EPHA5: variants seen among roughly 807,000 people sequenced by gnomAD.
EPHA5 encodes EPH receptor A5.
EPHA5 carries 60 observed loss-of-function variants against 105.0 expected under a neutral mutation model. The observed-to-expected ratio is 0.57, with a 90% CI of 0.46 to 0.71. The LOEUF (loss-of-function observed/expected upper bound fraction) is 0.71, where lower values mean the gene tolerates loss of function less well. Ranked by LOEUF, EPHA5 falls within the 30% of genes least tolerant of loss-of-function variation. The pLI is 0.00. For synonymous variants in EPHA5, 513 were observed against 449.1 expected (o/e 1.14, Z -1.80); for missense variants, 1,218 against 1,274.7 (o/e 0.96, Z 0.68).
chr4:65,477,466 G>A (rs1729935651), intron 5 of EPHA5, among the ~76,000 whole-genome samples: 1 of 152,000 alleles, frequency 6.6e-6, no homozygotes, highest in South Asian at 2.1e-4. Flanking sequence ...AGGCTTGAGT[G>A]CAGTGGCGAG....
chr4:65,574,313 C>T (rs1740562570), intron 3 of EPHA5: 10 of 1,523,700 alleles, frequency 6.6e-6, no homozygotes, highest in South Asian at 3.6e-5. Context: ...TTTATCCTCA[C>T]AAATTGGTGT....
chr4:65,439,740 A>G (rs772230300), intron 5 of EPHA5, among the ~76,000 whole-genome samples: 7 of 152,138 alleles, frequency 4.6e-5, no homozygotes, highest in Non-Finnish European at 1.0e-4. Flanking sequence ...TGGTAATTTC[A>G]GTAGTATATT....
chr4:65,517,138 G>A, intron 3 of EPHA5, among the ~76,000 whole-genome samples: 1 of 151,870 alleles, frequency 6.6e-6, no homozygotes, highest in African/African-American at 2.4e-5. Context: ...CATGTATTTA[G>A]GGACTTTTTA....
chr4:65,615,496 A>C (rs1745150122), intron 2 of EPHA5, among the ~76,000 whole-genome samples: 1 of 151,908 alleles, frequency 6.6e-6, no homozygotes, highest in Non-Finnish European at 1.5e-5. Context: ...TGACATAGTC[A>C]AAGTGCTAGA....
chr4:65,608,300 CGAGACCA>C (rs1459706053), intron 2 of EPHA5, among the ~76,000 whole-genome samples: 1 of 151,992 alleles, frequency 6.6e-6, no homozygotes, highest in Admixed American at 6.6e-5. Flanking sequence ...GTCAGGAGAT[CGAGACCA>C]TCCTGACTAA....
At chr4:65,398,107 C>G (rs1326732987) in intron 8 of EPHA5, among the ~76,000 whole-genome samples, 1 of 152,170 alleles carries the variant, frequency 6.6e-6, no homozygotes, top group African/African-American at 2.4e-5. Context: ...GCTGAGGAAC[C>G]AAGCATTCTT....
Position 65,582,261 on chromosome 4 carries a change from A to T in EPHA5, c.910+19380T>A, listed in dbSNP as rs185838378. Among the ~76,000 whole-genome samples the T allele has an allele frequency of 4.2e-4, 64 of 151,756 alleles. 1 individual carries two copies. Among genetic ancestry groups the T allele is most frequent in the African/African-American group, 1.4e-3 (60 of 41,524 alleles). On this transcript the variant is annotated intron_variant, in intron 3 of 16. Transcript: ENST00000613740. ...TATGACTAATTTTCAAGACGCCACA[A>T]TTCTATTCTTAGACTGAGACAAGGG...
intron 3 of EPHA5, among the ~76,000 whole-genome samples, chr4:65,598,779 A>C (rs1024622455): frequency 6.6e-6 from 1 of 152,142 alleles, no homozygotes; most frequent in Non-Finnish European, 1.5e-5. Flanking sequence ...TTCTTAAAAC[A>C]ACAAGTAGTG....
intron 8 of EPHA5, among the ~76,000 whole-genome samples, chr4:65,392,470 T>C (rs902928221): frequency 2.0e-5 from 3 of 152,140 alleles, no homozygotes; most frequent in Admixed American, 2.0e-4. Flanking sequence ...TTAGAACTTA[T>C]TAAATTCTGA....
intron 5 of EPHA5, among the ~76,000 whole-genome samples, chr4:65,428,881 CTATA>C (rs1309247972): frequency 1.3e-5 from 2 of 151,900 alleles, no homozygotes; most frequent in Non-Finnish European, 2.9e-5. Flanking sequence ...AAATAGAAAA[CTATA>C]TCACTGGCAC....
chr4:65,492,559 A>C (rs1017311057), intron 4 of EPHA5, among the ~76,000 whole-genome samples: 1 of 151,524 alleles, frequency 6.6e-6, no homozygotes, highest in Non-Finnish European at 1.5e-5. Flanking sequence ...AAAAAAAAAA[A>C]AAATCCCCAC....
intron 3 of EPHA5, among the ~76,000 whole-genome samples, chr4:65,595,150 GAAA>G (rs201605652): frequency 5.0e-4 from 58 of 116,718 alleles, no homozygotes; most frequent in African/African-American, 1.5e-3. Flanking sequence ...CACCATTTCA[GAAA>G]AAAAAAAAAA....
At chr4:65,475,083 T>C (rs558427935) in intron 5 of EPHA5, among the ~76,000 whole-genome samples, 2 of 152,316 alleles carry the variant, frequency 1.3e-5, no homozygotes, top group South Asian at 2.1e-4. Flanking sequence ...TCAATCTATA[T>C]TGTCACTCAA....
rs1461669360 is a variant in EPHA5, at chr4:65,601,783, G to T, written c.768C>A (p.Leu256=). 2 of 1,613,994 alleles carry T rather than the reference G, an allele frequency of 1.2e-6. No individual in the cohort carries two copies. The highest frequency in any genetic ancestry group is 2.7e-5 in the African/African-American group (2 of 74,910). Residue 256 remains leucine (L), a synonymous_variant, in exon 3 of 17, where the codon CTC becomes CTA. Coordinates refer to ENST00000613740, the MANE Select transcript of EPHA5 (RefSeq NM_001281766.3). The part of the protein sequence containing the change: ...TITGADSSQL[L]EVSGSCVNHS... ...GGTTGACACAGGAGCCTGACACTTC[G>T]AGCAATTGGGAAGAATCAGCTCCAG... is the stretch of plus-strand genomic sequence containing the variant.
intron 5 of EPHA5, among the ~76,000 whole-genome samples, chr4:65,464,256 G>T (rs1047302169): frequency 6.6e-6 from 1 of 151,850 alleles, no homozygotes; most frequent in Non-Finnish European, 1.5e-5. Context: ...ACCCATCAAA[G>T]TTCCCATATG....
At chr4:65,331,704 A>G in intron 16 of EPHA5, 1 of 1,171,298 alleles carries the variant, frequency 8.5e-7, no homozygotes, top group Non-Finnish European at 1.1e-6. Flanking sequence ...TCCACAACAC[A>G]AAACACCAGT....
At chr4:65,359,635 CAAG>C (rs1717081429) in intron 11 of EPHA5, among the ~76,000 whole-genome samples, 1 of 151,496 alleles carries the variant, frequency 6.6e-6, no homozygotes, top group African/African-American at 2.4e-5. Flanking sequence ...ATCCAATTCA[CAAG>C]AAGGTTTACT....
chr4:65,463,207 A>G (rs1311162725), intron 5 of EPHA5, among the ~76,000 whole-genome samples: 2 of 152,120 alleles, frequency 1.3e-5, no homozygotes, highest in African/African-American at 2.4e-5. Flanking sequence ...TTCATTTCAT[A>G]TCCAAGCTGG....
chr4:65,348,779 A>ATGTGTGTGTG (rs758698685), intron 13 of EPHA5, among the ~76,000 whole-genome samples: 4,457 of 69,472 alleles, frequency 0.064, 426 homozygotes, highest in Middle Eastern at 0.15. Flanking sequence ...ATGTGTGTGC[A>ATGTGTGTGTG]TGTGTGTGTG....
Sources: allele counts gnomAD v4.1 joint callset (sites outside exome capture counted in the v4.1 genomes callset), GRCh38; gene constraint gnomAD v4.1.1; transcripts MANE v1.5; gene names NCBI Gene and HGNC (gene_info 2026-07-23, HGNC 2026-07-21).